Variants in ASTN2 observed in about 807,000 individuals in gnomAD.
ASTN2 encodes the protein astrotactin-2.
A neutral mutation model predicts 139.8 loss-of-function variants in ASTN2; 54 were observed. That is an observed-to-expected ratio of 0.39 (90% CI 0.31 to 0.48). The LOEUF is 0.48. ASTN2 is among the 20% of genes least tolerant of loss of function. The pLI, the probability that ASTN2 is intolerant of heterozygous loss-of-function variation, is 0.95. For synonymous variants in ASTN2, 756 were observed against 719.5 expected, an observed-to-expected ratio of 1.05 and a Z score of -0.81; for missense variants, 1,565 against 1,725.1, an observed-to-expected ratio of 0.91 and a Z score of 1.64.
chr9:117,304,723 A>G (rs1017282280), intron 1 of ASTN2, among the ~76,000 whole-genome samples: 1 of 152,096 alleles, frequency 6.6e-6, no homozygotes, highest in African/African-American at 2.4e-5. Context: ...CATTACCCTT[A>G]TTTATGACGT....
intron 6 of ASTN2, among the ~76,000 whole-genome samples, chr9:117,034,349 C>T (rs1436044948): frequency 6.6e-6 from 1 of 152,114 alleles, no homozygotes; most frequent in African/African-American, 2.4e-5. Flanking sequence ...AGGTCCAAAC[C>T]TGTGTGATCA....
intron 19 of ASTN2, among the ~76,000 whole-genome samples, chr9:116,524,349 C>T (rs1406138489): frequency 6.6e-6 from 1 of 152,166 alleles, no homozygotes; most frequent in African/African-American, 2.4e-5. Context: ...CAGTACTTTA[C>T]TATTTCAGCC....
chr9:116,621,437 G>A (rs1176907813), intron 17 of ASTN2, among the ~76,000 whole-genome samples: 2 of 117,170 alleles, frequency 1.7e-5, no homozygotes, highest in South Asian at 3.6e-4. Flanking sequence ...ACACACACAT[G>A]CACGCACACA....
chr9:117,242,633 A>T (rs1321925055), intron 2 of ASTN2, among the ~76,000 whole-genome samples: 1 of 152,234 alleles, frequency 6.6e-6, no homozygotes, highest in East Asian at 1.9e-4. Context: ...AGCCACTGCT[A>T]CCAGTCTATT....
chr9:116,674,805 A>G (rs768803568), intron 16 of ASTN2, among the ~76,000 whole-genome samples: 109 of 152,160 alleles, frequency 7.2e-4, no homozygotes, highest in African/African-American at 2.5e-3. Context: ...TCAACTCCCT[A>G]TGATTTCATC....
At position 116,683,867 on chromosome 9, in the gene ASTN2, T is replaced by C. The variant is rs148884601; in HGVS notation, c.2807-32074A>G. Among the ~76,000 whole-genome samples, 512 of 152,292 alleles carry C rather than the reference T, an allele frequency of 3.4e-3. 2 individuals carry two copies. Among genetic ancestry groups the C allele is most frequent in the African/African-American group, 0.011 (454 of 41,550 alleles). On this transcript the variant is annotated intron_variant, in intron 16 of 22. Coordinates refer to ENST00000313400, the MANE Select transcript of ASTN2 (RefSeq NM_001365068.1). ...TTGTAACAGGACACAACTGGAGAAA[T>C]TGATTATTTTACCAAGGCTTTTACT... is the stretch of plus-strand genomic sequence containing the variant.
intron 3 of ASTN2, among the ~76,000 whole-genome samples, chr9:117,186,488 T>C (rs10983568): frequency 0.2 from 30,196 of 151,876 alleles, 3,348 homozygotes; most frequent in Admixed American, 0.24. Flanking sequence ...CAGAGCTTGC[T>C]GTGAGCCGAA....
At chr9:117,083,005 C>A (rs1258134036) in intron 5 of ASTN2, among the ~76,000 whole-genome samples, 1 of 152,096 alleles carries the variant, frequency 6.6e-6, no homozygotes, top group Non-Finnish European at 1.5e-5. Context: ...TTCCTCTTTT[C>A]TTTTCATCAG....
intron 20 of ASTN2, among the ~76,000 whole-genome samples, chr9:116,444,413 G>A (rs1847926493): frequency 6.6e-6 from 1 of 152,128 alleles, no homozygotes; most frequent in Admixed American, 6.5e-5. Flanking sequence ...TAAAACTGAA[G>A]ATTTAAAAAA....
intron 13 of ASTN2, among the ~76,000 whole-genome samples, chr9:116,768,517 T>C (rs904840803): frequency 6.6e-6 from 1 of 152,220 alleles, no homozygotes; most frequent in South Asian, 2.1e-4. Flanking sequence ...GCTCTTTTTC[T>C]ACCTACATTT....
intron 3 of ASTN2, among the ~76,000 whole-genome samples, chr9:117,199,947 T>C (rs758824273): frequency 1.3e-5 from 2 of 152,108 alleles, no homozygotes; most frequent in African/African-American, 2.4e-5. Flanking sequence ...TGCTTGCCTA[T>C]TCATGTAAAG....
chr9:116,697,489 T>C (rs1860921089), intron 16 of ASTN2: 1 of 498,222 alleles, frequency 2.0e-6, no homozygotes, highest in African/African-American at 1.9e-5. Context: ...GTGTTTTGTC[T>C]GGTTTGTTTC....
At chr9:116,968,750 T>C (rs1836090789) in intron 10 of ASTN2, among the ~76,000 whole-genome samples, 1 of 151,296 alleles carries the variant, frequency 6.6e-6, no homozygotes, top group Non-Finnish European at 1.5e-5. Flanking sequence ...ATTACAACAA[T>C]TAGCCAGGTG....
intron 19 of ASTN2, chr9:116,613,644 C>G (rs1471828958): frequency 6.6e-6 from 1 of 152,160 alleles, no homozygotes; most frequent in Non-Finnish European, 1.5e-5. Flanking sequence ...ATCTCAATAG[C>G]TGCAGAAAAG....
intron 6 of ASTN2, among the ~76,000 whole-genome samples, chr9:117,039,220 A>C (rs1294398115): frequency 6.6e-6 from 1 of 152,164 alleles, no homozygotes; most frequent in Non-Finnish European, 1.5e-5. Flanking sequence ...AAAATGTGGT[A>C]CACACACACC....
intron 16 of ASTN2, chr9:116,687,386 G>T: frequency 3.0e-6 from 1 of 329,924 alleles, no homozygotes; most frequent in Non-Finnish European, 4.3e-6. Flanking sequence ...GGTCAGGTAG[G>T]GGGCGGGAAG....
intron 3 of ASTN2, among the ~76,000 whole-genome samples, chr9:117,145,661 A>AT (rs11415909): frequency 0.99 from 150,831 of 152,260 alleles, 74,726 homozygotes; most frequent in East Asian, 1. Flanking sequence ...GCTTCCTGAC[A>AT]TTCTTGTCCT....
intron 11 of ASTN2, among the ~76,000 whole-genome samples, chr9:116,833,646 T>C (rs1359877436): frequency 2.0e-5 from 3 of 152,230 alleles, no homozygotes; most frequent in Non-Finnish European, 1.5e-5. Context: ...GTTCAGTCCA[T>C]TTTTTAATTT....
At chr9:117,001,741 C>T (rs956447817) in intron 7 of ASTN2, among the ~76,000 whole-genome samples, 1 of 152,158 alleles carries the variant, frequency 6.6e-6, no homozygotes, top group Non-Finnish European at 1.5e-5. Context: ...CTCCTGAAAT[C>T]CCCATCTAGA....
Sources: gnomAD v4.1 joint callset for allele counts (sites outside exome capture counted in the v4.1 genomes callset) on GRCh38, gnomAD v4.1.1 for gene constraint, MANE v1.5 for transcripts, NCBI Gene and HGNC (gene_info 2026-07-23, HGNC 2026-07-21) for gene names.